Variants in AKAP13 observed in about 807,000 individuals in gnomAD.
AKAP13 encodes the protein A-kinase anchor protein 13.
A neutral mutation model predicts 264.5 loss-of-function variants in AKAP13; 80 were observed. That is an observed-to-expected ratio of 0.30 (90% CI 0.25 to 0.36). The LOEUF (loss-of-function observed/expected upper bound fraction) is 0.36, where lower values mean the gene tolerates loss of function less well. Among genes scored for constraint, AKAP13 ranks in the 10% least tolerant of loss-of-function variants. The pLI is 1.00. For synonymous variants in AKAP13, 1,380 were observed against 1,250.2 expected (o/e 1.10, Z -2.19); for missense variants, 3,712 against 3,435.2 (o/e 1.08, Z -2.01).
chr15:85,643,902 T>G (rs559690631), intron 9 of AKAP13, among the ~76,000 whole-genome samples: 1 of 152,334 alleles, frequency 6.6e-6, no homozygotes, highest in South Asian at 2.1e-4. Context: ...AGATGTTATT[T>G]AGGAACAAGT....
At chr15:85,533,453 A>G in intron 3 of AKAP13, 131 bp from the exon 4 acceptor site, 1 of 793,034 alleles carries the variant, frequency 1.3e-6, no homozygotes, top group Non-Finnish European at 1.8e-6. Flanking sequence ...TCAGAGCTCA[A>G]GAGGAAGGAG....
chr15:85,503,738 G>T (rs538033156), intron 2 of AKAP13, among the ~76,000 whole-genome samples: 50 of 152,306 alleles, frequency 3.3e-4, no homozygotes, highest in Non-Finnish European at 6.3e-4. Context: ...ACTTAGAAAA[G>T]AAAGGCATTG....
intron 5 of AKAP13, among the ~76,000 whole-genome samples, chr15:85,561,640 C>T (rs971066884): frequency 6.6e-6 from 1 of 152,134 alleles, no homozygotes; most frequent in Non-Finnish European, 1.5e-5. Context: ...ATAACTAATA[C>T]AGTGGCAGTA....
Position 85,498,205 on chromosome 15 carries a change from T to G in AKAP13, c.33+12452T>G, listed in dbSNP as rs201978415. ...TAAGGATTAAATGAAGTGAGATATA[T>G]ATATATATATATATATATATATCAC... is the stretch of plus-strand genomic sequence containing the variant. On this transcript the variant is annotated intron_variant, in intron 2 of 36. Coordinates refer to ENST00000394518, the MANE Select transcript of AKAP13 (RefSeq NM_007200.5). Among the ~76,000 whole-genome samples the G allele has an allele frequency of 5.7e-3, 126 of 21,990 alleles. 3 individuals carry two copies. The highest frequency in any genetic ancestry group is 0.033 in the East Asian group (46 of 1,380). 14.4% of individuals were successfully genotyped at this position (21,990 alleles called of 152,430 possible).
At chr15:85,687,945 C>A (rs995509977) in intron 16 of AKAP13, among the ~76,000 whole-genome samples, 4 of 149,620 alleles carry the variant, frequency 2.7e-5, no homozygotes, top group Non-Finnish European at 5.9e-5. Context: ...GAGGCTGAGG[C>A]AAGAGGATCA....
rs2089376730 is a variant in AKAP13 at position 85,746,646 on chromosome 15, A to G, written c.*1969A>G. On this transcript the variant is annotated 3_prime_UTR_variant, in exon 37 of 37. Coordinates refer to ENST00000394518, the MANE Select transcript of AKAP13 (RefSeq NM_007200.5). The stretch of plus-strand genomic sequence containing the variant: ...TCTATTGAAAATATGTCCCCTTGCA[A>G]AGACCCTAAACAAAAAGTTAAGTTT... The G allele has an allele frequency of 6.6e-6, 1 of 152,070 alleles. No individual in the cohort carries two copies. The highest frequency in any genetic ancestry group is 2.4e-5 in the African/African-American group (1 of 41,340). 9.4% of individuals were successfully genotyped at this position (152,070 alleles called of 1,614,324 possible). A position where few individuals can be genotyped will look rare whatever the true frequency, so the allele number is the denominator to read the frequency against.
At position 85,664,530 on chromosome 15, in the gene AKAP13, T is replaced by C. The variant is rs375354788; in HGVS notation, c.4800-33T>C. 8.3e-6 allele frequency: 13 copies of C among 1,564,466 alleles called. No individual in the cohort carries two copies. In the African/African-American group the frequency reaches 1.2e-4, roughly 15 times the overall value. On this transcript the variant is annotated intron_variant, in intron 12 of 36. Transcript: ENST00000394518. ...CTCCTTTGTTTTTGAGACCCAGAAA[T>C]AGAATGAATTAACTTTTGTGCCCTA... is the stretch of plus-strand genomic sequence containing the variant.
At chr15:85,486,585 G>C (rs2075554287) in intron 2 of AKAP13, among the ~76,000 whole-genome samples, 1 of 152,082 alleles carries the variant, frequency 6.6e-6, no homozygotes, top group Admixed American at 6.5e-5. Flanking sequence ...TCTGGACTCT[G>C]AAGTCGATTC....
intron 1 of AKAP13, among the ~76,000 whole-genome samples, chr15:85,474,910 G>C (rs1242258908): frequency 6.6e-6 from 1 of 152,126 alleles, no homozygotes; most frequent in Admixed American, 6.5e-5. Flanking sequence ...TGACTCGTTC[G>C]ATAGTCACAT....
chr15:85,498,226 A>ATATATATC (rs1567088692), intron 2 of AKAP13, among the ~76,000 whole-genome samples: 204 of 130,442 alleles, frequency 1.6e-3, no homozygotes, highest in African/African-American at 5.7e-3. Flanking sequence ...ATATATATAT[A>ATATATATC]TCACATTGAG....
intron 8 of AKAP13, among the ~76,000 whole-genome samples, chr15:85,586,141 A>G (rs745509355): frequency 6.6e-6 from 1 of 152,076 alleles, no homozygotes; most frequent in African/African-American, 2.4e-5. Context: ...AGCTATCACA[A>G]AAGGGGATCT....
At chr15:85,624,530 A>G (rs1377411410) in intron 8 of AKAP13, 2 of 152,232 alleles carry the variant, frequency 1.3e-5, no homozygotes, top group African/African-American at 4.8e-5. Flanking sequence ...ATTGAAGACA[A>G]CCACATATAT....
intron 1 of AKAP13, among the ~76,000 whole-genome samples, chr15:85,451,805 T>C (rs927509811): frequency 6.6e-6 from 1 of 152,262 alleles, no homozygotes; most frequent in African/African-American, 2.4e-5. Flanking sequence ...ACATTTATTC[T>C]TTAATTTTCA....
chr15:85,608,081 A>G (rs2080432872), intron 8 of AKAP13, among the ~76,000 whole-genome samples: 1 of 152,186 alleles, frequency 6.6e-6, no homozygotes, highest in Admixed American at 6.5e-5. Flanking sequence ...GAAGTCTTCC[A>G]TGGGAAGCTG....
At chr15:85,593,393 A>G (rs2079668039) in intron 8 of AKAP13, among the ~76,000 whole-genome samples, 1 of 152,060 alleles carries the variant, frequency 6.6e-6, no homozygotes, top group Non-Finnish European at 1.5e-5. Flanking sequence ...AAGGACAATC[A>G]TGAGGGATTT....
intron 12 of AKAP13, among the ~76,000 whole-genome samples, chr15:85,661,343 T>G (rs338545): frequency 0.12 from 19,003 of 152,200 alleles, 1,952 homozygotes; most frequent in East Asian, 0.37. Flanking sequence ...GGATTTTTTT[T>G]ATCTTGTAGG....
At chr15:85,644,736 C>T (rs1015151549) in intron 9 of AKAP13, among the ~76,000 whole-genome samples, 8 of 150,090 alleles carry the variant, frequency 5.3e-5, no homozygotes, top group Non-Finnish European at 7.4e-5. Flanking sequence ...CATGGTGGCA[C>T]GTGCCTGTAG....
At chr15:85,583,426 T>C (rs1481256745) in intron 7 of AKAP13, among the ~76,000 whole-genome samples, 2 of 152,188 alleles carry the variant, frequency 1.3e-5, no homozygotes, top group East Asian at 3.9e-4. Context: ...TTTTGATGAC[T>C]TTAGCTTTTT....
At chr15:85,466,535 G>T (rs1293552810) in intron 1 of AKAP13, among the ~76,000 whole-genome samples, 1 of 152,128 alleles carries the variant, frequency 6.6e-6, no homozygotes, top group East Asian at 1.9e-4. Flanking sequence ...TTCGTATAAG[G>T]TGTAAGGAAG....
Sources: allele counts gnomAD v4.1 joint callset (sites outside exome capture counted in the v4.1 genomes callset), GRCh38; gene constraint gnomAD v4.1.1; transcripts MANE v1.5; gene names NCBI Gene and HGNC (gene_info 2026-07-23, HGNC 2026-07-21).